The following SNX29 variants were observed in gnomAD, a reference collection of about 807,000 sequenced individuals.
SNX29 encodes the protein sorting nexin-29.
Under a neutral mutation model 102.1 loss-of-function variants are expected in SNX29, and 78 were observed. That is an observed-to-expected ratio of 0.76 (90% CI 0.64 to 0.92). The LOEUF (loss-of-function observed/expected upper bound fraction) is 0.92. Ranked by LOEUF, SNX29 falls within the 40% of genes least tolerant of loss-of-function variation. The pLI, the probability that SNX29 is intolerant of heterozygous loss-of-function variation, is 0.00. For synonymous variants in SNX29, 580 were observed against 414.5 expected (o/e 1.40, Z -4.85); for missense variants, 1,280 against 1,061.7 (o/e 1.21, Z -2.86).
chr16:12,179,672 G>A (rs995675929), intron 13 of SNX29, among the ~76,000 whole-genome samples: 1 of 152,178 alleles, frequency 6.6e-6, no homozygotes. Context: ...TAGTCGTTTA[G>A]GTTATTGCAA....
At chr16:12,340,720 C>G (rs1448031970) in intron 15 of SNX29, among the ~76,000 whole-genome samples, 1 of 152,146 alleles carries the variant, frequency 6.6e-6, no homozygotes, top group African/African-American at 2.4e-5. Flanking sequence ...TCTTTCACAA[C>G]CCCGGCAGCA....
chr16:12,278,092 T>G, intron 15 of SNX29, 56 bp downstream of exon 15: 6 of 1,480,054 alleles, frequency 4.1e-6, no homozygotes, highest in Non-Finnish European at 5.6e-6. Flanking sequence ...CGTTGGAGAC[T>G]TTCCAGGGTA....
At chr16:12,248,647 C>A (rs569494002) in intron 14 of SNX29, among the ~76,000 whole-genome samples, 2 of 152,034 alleles carry the variant, frequency 1.3e-5, no homozygotes, top group Admixed American at 6.6e-5. Context: ...AACTCCTGAT[C>A]TCAAGTGATC....
At chr16:12,084,484 A>T (rs2052063810) in intron 11 of SNX29, among the ~76,000 whole-genome samples, 1 of 152,214 alleles carries the variant, frequency 6.6e-6, no homozygotes, top group Admixed American at 6.5e-5. Context: ...TGCCTCAGGG[A>T]TGCCTTGCAT....
At chr16:12,001,599 A>T (rs1039487607) in intron 2 of SNX29, among the ~76,000 whole-genome samples, 5 of 152,106 alleles carry the variant, frequency 3.3e-5, no homozygotes, top group African/African-American at 1.2e-4. Flanking sequence ...TTATATGTAT[A>T]TACACACACA....
rs1023809585 is a variant in SNX29, at chr16:12,570,635, T to G, written c.*2006T>G. The G allele has an allele frequency of 1.7e-5, 4 of 231,874 alleles. No individual in the cohort carries two copies. The highest frequency in any genetic ancestry group is 8.8e-5 in the African/African-American group (4 of 45,210). 14.4% of individuals were successfully genotyped at this position (231,874 alleles called of 1,614,324 possible). On this transcript the variant is annotated 3_prime_UTR_variant, in exon 21 of 21. Transcript: ENST00000566228. ...CTGTTCTCTGTTGGATAAAGGAACCTCCCCCATCTGTGACATTCCCTTGGG... is the reference window on the plus strand; with the variant it reads ...CTGTTCTCTGTTGGATAAAGGAACCGCCCCCATCTGTGACATTCCCTTGGG...
At chr16:12,562,487 A>C (rs1272361706) in intron 20 of SNX29, among the ~76,000 whole-genome samples, 1 of 152,210 alleles carries the variant, frequency 6.6e-6, no homozygotes, top group East Asian at 1.9e-4. Flanking sequence ...CGAGTCCTAG[A>C]AAGGAGCATC....
chr16:12,308,812 A>T (rs1198975001), intron 15 of SNX29, among the ~76,000 whole-genome samples: 2 of 152,148 alleles, frequency 1.3e-5, no homozygotes, highest in African/African-American at 4.8e-5. Context: ...AGCAAAAGAA[A>T]CAAGAACGCC....
chr16:11,976,902 C>T, intron 1 of SNX29, 89 bp downstream of exon 1: 2 of 1,282,882 alleles, frequency 1.6e-6, no homozygotes, highest in Non-Finnish European at 9.9e-7. Context: ...CGTCCTCGCG[C>T]CCCGCTCCCT....
chr16:12,105,218 TC>T (rs2053182682), intron 11 of SNX29, among the ~76,000 whole-genome samples: 1 of 103,266 alleles, frequency 9.7e-6, no homozygotes, highest in Admixed American at 1.0e-4. Flanking sequence ...CCTCCCTCCC[TC>T]CCTCCCTCCC....
intron 13 of SNX29, among the ~76,000 whole-genome samples, chr16:12,130,612 C>CAGGT (rs1208967185): frequency 6.6e-6 from 1 of 151,940 alleles, no homozygotes; most frequent in Admixed American, 6.6e-5. Context: ...AAGTCCCCTT[C>CAGGT]TCTTATCCCA....
chr16:12,353,789 A>C (rs2082057931), intron 15 of SNX29, among the ~76,000 whole-genome samples: 1 of 152,238 alleles, frequency 6.6e-6, no homozygotes, highest in African/African-American at 2.4e-5. Flanking sequence ...CTGGGGCTGC[A>C]TCTTGAAGGA....
At chr16:12,534,917 A>T (rs2077031794) in intron 20 of SNX29, among the ~76,000 whole-genome samples, 2 of 152,204 alleles carry the variant, frequency 1.3e-5, no homozygotes, top group Non-Finnish European at 2.9e-5. Context: ...TGTACTGAGC[A>T]TCCTACACCT....
intron 16 of SNX29, among the ~76,000 whole-genome samples, chr16:12,389,648 T>C (rs900767884): frequency 1.3e-5 from 2 of 151,954 alleles, no homozygotes; most frequent in Non-Finnish European, 2.9e-5. Context: ...AAAAAAAAAA[T>C]CATGTTTGTG....
At chr16:12,491,505 CTGT>C (rs150951400) in intron 19 of SNX29, among the ~76,000 whole-genome samples, 1 of 151,174 alleles carries the variant, frequency 6.6e-6, no homozygotes, top group Non-Finnish European at 1.5e-5. Flanking sequence ...TTTGTTGCTG[CTGT>C]TGTTTTTTTT....
chr16:12,486,371 A>C (rs76728949), intron 19 of SNX29, among the ~76,000 whole-genome samples: 187 of 152,254 alleles, frequency 1.2e-3, no homozygotes, highest in African/African-American at 4.4e-3. Context: ...CTGGGGATTG[A>C]GGCATAGACA....
chr16:12,401,359 ATTTTTT>A (rs35886680), intron 17 of SNX29, among the ~76,000 whole-genome samples: 9 of 101,500 alleles, frequency 8.9e-5, no homozygotes, highest in East Asian at 3.0e-4. Flanking sequence ...ATAGAGTTAA[ATTTTTT>A]TTTTTTTTTT....
intron 3 of SNX29, among the ~76,000 whole-genome samples, chr16:12,006,251 C>T (rs915770515): frequency 3.3e-5 from 5 of 151,114 alleles, no homozygotes; most frequent in East Asian, 3.9e-4. Flanking sequence ...CATGGTGGCT[C>T]ACGCCTGTAA....
chr16:12,005,855 C>T (rs570192936), intron 3 of SNX29, among the ~76,000 whole-genome samples: 1 of 152,240 alleles, frequency 6.6e-6, no homozygotes, highest in African/African-American at 2.4e-5. Context: ...ATTCCACAGT[C>T]AGGAAAAATC....
Sources: gnomAD v4.1 joint callset for allele counts (sites outside exome capture counted in the v4.1 genomes callset) on GRCh38, gnomAD v4.1.1 for gene constraint, MANE v1.5 for transcripts, NCBI Gene and HGNC (gene_info 2026-07-23, HGNC 2026-07-21) for gene names.